The following TBC1D2 variants were observed in gnomAD, a reference collection of about 807,000 sequenced individuals.
The protein encoded by TBC1D2 is TBC1 domain family member 2A.
TBC1D2 carries 58 observed loss-of-function variants against 91.1 expected under a neutral mutation model. The ratio of observed to expected loss-of-function variants is 0.64; its 90% CI spans 0.52 to 0.79. The LOEUF is 0.79. Ranked by LOEUF, TBC1D2 falls within the 30% of genes least tolerant of loss-of-function variation. TBC1D2 has a pLI of 0.00. For missense variants in TBC1D2, 1,080 were observed against 1,208.3 expected (o/e 0.89, Z 1.57); for synonymous variants, 482 against 511.5 (o/e 0.94, Z 0.78).
At position 98,244,084 on chromosome 9, in the gene TBC1D2, G is replaced by A; in HGVS notation, c.557C>T (p.Thr186Ile). The change falls in exon 3 of 13, where the codon ACA becomes ATA. Residue 186 changes from threonine (T) to isoleucine (I), a missense_variant. By Grantham distance (89) the Thr-to-Ile change is moderately conservative. Transcript: ENST00000465784. Reference sequence around the variant, plus strand: ...TGCCACGCCCACTAGCCCAGGGGGTGTTTTCACAGGGCACAGGAACTCCTC... The same window carrying A: ...TGCCACGCCCACTAGCCCAGGGGGTATTTTCACAGGGCACAGGAACTCCTC... ...ELEEFLCPVK[T>I]PPGLVGVAAA... 6.2e-7 allele frequency: 1 copy of A among 1,613,302 alleles called. No individual in the cohort carries two copies. The highest frequency in any genetic ancestry group is 8.5e-7 in the Non-Finnish European group (1 of 1,179,690).
chr9:98,203,931 C>T (rs1178307881), intron 9 of TBC1D2, among the ~76,000 whole-genome samples: 3 of 152,142 alleles, frequency 2.0e-5, no homozygotes, highest in Non-Finnish European at 4.4e-5. Flanking sequence ...TCTATCCCCC[C>T]GGGGCCAAGA....
At chr9:98,225,817 C>T (rs1197740789) in intron 5 of TBC1D2, among the ~76,000 whole-genome samples, 1 of 152,348 alleles carries the variant, frequency 6.6e-6, no homozygotes, top group East Asian at 1.9e-4. Context: ...GATTTGTCTG[C>T]AATGTGCTCT....
At chr9:98,244,259 C>T (rs1829716076) in intron 2 of TBC1D2, 130 bp from the exon 3 acceptor site, 1 of 1,229,252 alleles carries the variant, frequency 8.1e-7, no homozygotes, top group Non-Finnish European at 1.1e-6. Flanking sequence ...GGCAAGCAGG[C>T]CCTCCCTGTA....
Position 98,201,496 on chromosome 9 carries a change from G to A in TBC1D2, c.2440C>T (p.Leu814=), listed in dbSNP as rs147981592. ...NILLRVWDAF[L]YEGTKVVFRY... is the part of the protein sequence containing the mutation. ...CACCCTACCTTCGTCCCCTCGTACAGGAAGGCATCCCAGACCCGAAGGAGG... is the reference window on the plus strand; with the variant it reads ...CACCCTACCTTCGTCCCCTCGTACAAGAAGGCATCCCAGACCCGAAGGAGG... The change falls in exon 11 of 13, where the codon CTG becomes TTG. Residue 814 remains leucine (L), a synonymous_variant. Coordinates refer to ENST00000465784, the MANE Select transcript of TBC1D2 (RefSeq NM_001267571.2). The A allele has an allele frequency of 4.4e-3, 7,142 of 1,614,020 alleles. 25 individuals are homozygous for A. The highest frequency in any genetic ancestry group is 5.4e-3 in the Non-Finnish European group (6,401 of 1,179,940).
At chr9:98,233,273 C>T in intron 4 of TBC1D2, 143 bp downstream of exon 4, 1 of 1,158,940 alleles carries the variant, frequency 8.6e-7, no homozygotes, top group Non-Finnish European at 1.2e-6. Flanking sequence ...GCCACGCAGT[C>T]TATGGTGTTT....
chr9:98,236,422 C>T (rs149779326), intron 3 of TBC1D2, among the ~76,000 whole-genome samples: 1,882 of 152,210 alleles, frequency 0.012, 22 homozygotes, highest in Non-Finnish European at 0.019. Context: ...AGGGTTTTGC[C>T]GTTTTGGTCA....
At chr9:98,237,620 C>T (rs1377524766) in intron 3 of TBC1D2, among the ~76,000 whole-genome samples, 1 of 151,546 alleles carries the variant, frequency 6.6e-6, no homozygotes, top group Admixed American at 6.6e-5. Context: ...GATTCTCCTG[C>T]CTCAGCCTCC....
rs139062706 is a variant in TBC1D2, at chr9:98,229,074, G to A, written c.856C>T (p.Arg286Cys). 6.3e-5 allele frequency: 101 copies of A among 1,614,226 alleles called. 2 individuals carry two copies. In the African/African-American group the frequency reaches 8.1e-4, roughly 13 times the overall value. ...LTISFAQKAK[R>C]QNNTFPFFSE... The stretch of plus-strand genomic sequence containing the variant: ...AAGAATGGGAAGGTGTTGTTCTGGC[G>A]CTTGGCTTTCTGAGCGAAACTGATG... Residue 286 changes from arginine to cysteine, a missense_variant, in exon 5 of 13, where the codon CGC becomes TGC. Coordinates refer to ENST00000465784, the MANE Select transcript of TBC1D2 (RefSeq NM_001267571.2).
chr9:98,213,555 A>C, intron 6 of TBC1D2: 1 of 361,172 alleles, frequency 2.8e-6, no homozygotes, highest in Non-Finnish European at 4.4e-6. Context: ...GCAGTTGGGA[A>C]ACTAAGTGAG....
At chr9:98,235,107 G>C (rs1829470484) in intron 3 of TBC1D2, 1 of 225,244 alleles carries the variant, frequency 4.4e-6, no homozygotes, top group Admixed American at 4.1e-5. Flanking sequence ...GGGAGGCTGA[G>C]GCAGAGAATC....
At chr9:98,248,557 C>T (rs1829812256) in intron 2 of TBC1D2, among the ~76,000 whole-genome samples, 1 of 152,214 alleles carries the variant, frequency 6.6e-6, no homozygotes, top group Admixed American at 6.5e-5. Context: ...TTTGGGAGGG[C>T]AGGTTATGAG....
intron 3 of TBC1D2, among the ~76,000 whole-genome samples, chr9:98,236,387 C>A (rs917359140): frequency 3.3e-5 from 5 of 152,024 alleles, no homozygotes; most frequent in African/African-American, 1.2e-4. Context: ...CCACACACAG[C>A]TAATTTTGTA....
Position 98,234,776 on chromosome 9 carries a change from G to A in TBC1D2, c.648-1227C>T, listed in dbSNP as rs773961523. 2.9e-4 allele frequency: 46 copies of A among 159,390 alleles called. 1 individual carries two copies. Among genetic ancestry groups the A allele is most frequent in the Non-Finnish European group, 5.0e-4 (36 of 72,340 alleles). 9.9% of individuals were successfully genotyped at this position (159,390 alleles called of 1,614,324 possible). ...TCTTTTGGAAGCAGGAGCTAGAACT[G>A]ACGCTTGTGGGGCTACAGGACTTAG... On this transcript the variant is annotated intron_variant, in intron 3 of 12. Transcript: ENST00000465784.
intron 10 of TBC1D2, among the ~76,000 whole-genome samples, chr9:98,202,272 C>T (rs1204147454): frequency 2.0e-5 from 3 of 152,228 alleles, no homozygotes; most frequent in Non-Finnish European, 4.4e-5. Flanking sequence ...GTCATGCCTC[C>T]GTCCTTGTTT....
intron 8 of TBC1D2, among the ~76,000 whole-genome samples, chr9:98,210,156 G>A (rs1213558284): frequency 2.0e-5 from 3 of 152,124 alleles, no homozygotes; most frequent in Non-Finnish European, 2.9e-5. Flanking sequence ...GGCTGAGTAC[G>A]AGGCTCAGAA....
At chr9:98,224,571 C>T (rs1829185602) in intron 5 of TBC1D2, among the ~76,000 whole-genome samples, 2 of 152,158 alleles carry the variant, frequency 1.3e-5, no homozygotes, top group South Asian at 4.1e-4. Flanking sequence ...GTGTGAGCCA[C>T]CATGCCCGGC....
At chr9:98,199,707 G>T in intron 12 of TBC1D2, 119 bp from the exon 13 acceptor site, 3 of 982,712 alleles carry the variant, frequency 3.1e-6, no homozygotes, top group South Asian at 1.4e-5. Context: ...CCTGACCCCT[G>T]CCCTCAGGAG....
chr9:98,241,911 C>T (rs1267517154), intron 3 of TBC1D2, among the ~76,000 whole-genome samples: 1 of 152,164 alleles, frequency 6.6e-6, no homozygotes, highest in African/African-American at 2.4e-5. Context: ...TGTGGGGGAG[C>T]TCTACCTCCA....
chr9:98,255,182 A>G lies in TBC1D2; in HGVS notation c.360T>C (p.Ile120=). ...IFEIKTPSRV[I]TLKAATKQAM... ...CGTTGCAGGAATTTACCTTCAGGGT[A>G]ATAACCCGGCTGGGAGTCTTGATTT... is the stretch of plus-strand genomic sequence containing the variant. Residue 120 remains isoleucine (I), a synonymous_variant, in exon 1 of 13, where the codon ATT becomes ATC. Transcript: ENST00000465784. 6.2e-7 allele frequency: 1 copy of G among 1,607,570 alleles called. No homozygotes were observed. The highest frequency in any genetic ancestry group is 2.2e-5 in the East Asian group (1 of 44,646).
Sources: allele counts gnomAD v4.1 joint callset (sites outside exome capture counted in the v4.1 genomes callset), GRCh38; gene constraint gnomAD v4.1.1; transcripts MANE v1.5; gene names NCBI Gene and HGNC (gene_info 2026-07-23, HGNC 2026-07-21).